The following JMY variants were observed in gnomAD, a reference collection of about 807,000 sequenced individuals.
JMY encodes junction mediating and regulatory protein, p53 cofactor, also known as junction-mediating and -regulatory protein.
JMY carries 46 observed loss-of-function variants against 103.3 expected under a neutral mutation model. The observed-to-expected ratio is 0.45, with a 90% confidence interval of 0.35 to 0.57. The LOEUF (loss-of-function observed/expected upper bound fraction) is 0.57, where lower values mean the gene tolerates loss of function less well. JMY is among the 20% of genes least tolerant of loss of function. JMY has a pLI of 0.00. For missense variants in JMY, 1,238 were observed against 1,255.2 expected (o/e 0.99, Z 0.21); for synonymous variants, 526 against 489.3 (o/e 1.07, Z -0.99).
chr5:79,252,271 A>T (rs1036074724), intron 1 of JMY, among the ~76,000 whole-genome samples: 1 of 150,120 alleles, frequency 6.7e-6, no homozygotes, highest in African/African-American at 2.4e-5. Flanking sequence ...TATAGTTTCC[A>T]TAATTCCTCT....
At chr5:79,250,607 AATAG>A (rs1484093188) in intron 1 of JMY, among the ~76,000 whole-genome samples, 1 of 151,704 alleles carries the variant, frequency 6.6e-6, no homozygotes, top group Non-Finnish European at 1.5e-5. Context: ...TTATTTAATA[AATAG>A]ATCTTGTGTT....
rs746958119 is a variant in JMY at position 79,237,546 on chromosome 5, C to G, written c.896C>G (p.Thr299Ser). ...LQVYLGHGLD[T>S]CGWKILSQVL... is the part of the protein sequence containing the mutation. ...GTCTACCTGGGCCACGGCCTGGACA[C>G]CTGCGGCTGGAAGATCCTCTCCCAG... is the stretch of plus-strand genomic sequence containing the variant. The change falls in exon 1 of 11, where the codon ACC becomes AGC. Residue 299 changes from threonine to serine, a missense_variant. Transcript: ENST00000396137. 1 of 1,613,758 alleles carries G rather than the reference C, an allele frequency of 6.2e-7. No homozygotes were observed. The highest frequency in any genetic ancestry group is 1.1e-5 in the South Asian group (1 of 91,074).
At chr5:79,282,739 A>G (rs1347327043) in intron 2 of JMY, among the ~76,000 whole-genome samples, 3 of 152,178 alleles carry the variant, frequency 2.0e-5, no homozygotes, top group African/African-American at 4.8e-5. Flanking sequence ...GCACTAACTT[A>G]ATTGAATCTT....
intron 1 of JMY, among the ~76,000 whole-genome samples, chr5:79,268,512 G>T (rs189553653): frequency 6.6e-6 from 1 of 151,812 alleles, no homozygotes; most frequent in African/African-American, 2.4e-5. Context: ...TCTTGAGATG[G>T]CGTCTCGCTC....
intron 1 of JMY, among the ~76,000 whole-genome samples, chr5:79,272,896 A>G (rs1052205331): frequency 6.6e-6 from 1 of 152,166 alleles, no homozygotes; most frequent in African/African-American, 2.4e-5. Context: ...TCGGCCTCCC[A>G]AAGTGCTGGG....
At chr5:79,298,165 G>A (rs1746621170) in intron 4 of JMY, among the ~76,000 whole-genome samples, 1 of 152,120 alleles carries the variant, frequency 6.6e-6, no homozygotes, top group African/African-American at 2.4e-5. Flanking sequence ...ACTTAGTTGG[G>A]TAGAACCAGA....
chr5:79,287,395 A>G (rs1487998770), intron 2 of JMY, among the ~76,000 whole-genome samples: 1 of 152,224 alleles, frequency 6.6e-6, no homozygotes, highest in Non-Finnish European at 1.5e-5. Flanking sequence ...CAGACTTTCA[A>G]AGTTAGGGGG....
At chr5:79,318,531 A>C (rs1747316327) in intron 10 of JMY, among the ~76,000 whole-genome samples, 2 of 152,230 alleles carry the variant, frequency 1.3e-5, no homozygotes, top group South Asian at 4.1e-4. Context: ...GTACCTCTCC[A>C]CCAGCATCTG....
intron 1 of JMY, among the ~76,000 whole-genome samples, chr5:79,250,381 T>C (rs974862360): frequency 6.6e-6 from 1 of 151,910 alleles, no homozygotes; most frequent in Admixed American, 6.6e-5. Flanking sequence ...ATACAGTCAG[T>C]TAAAACGGTG....
chr5:79,278,678 G>A (rs1055076942), intron 2 of JMY, among the ~76,000 whole-genome samples: 4 of 151,760 alleles, frequency 2.6e-5, no homozygotes, highest in South Asian at 2.1e-4. Context: ...TGAGGTAGGC[G>A]GAAGATTGCT....
intron 1 of JMY, among the ~76,000 whole-genome samples, chr5:79,258,484 G>A (rs1336941812): frequency 6.6e-6 from 1 of 152,014 alleles, no homozygotes; most frequent in Non-Finnish European, 1.5e-5. Context: ...GGCAGGCTGT[G>A]CTCAGCTCCT....
At chr5:79,267,488 C>T (rs1477445402) in intron 1 of JMY, among the ~76,000 whole-genome samples, 3 of 134,862 alleles carry the variant, frequency 2.2e-5, no homozygotes, top group Non-Finnish European at 4.8e-5. Context: ...TCATATATAG[C>T]CTTTTCAGAT....
intron 1 of JMY, among the ~76,000 whole-genome samples, chr5:79,243,051 A>G (rs1472448565): frequency 2.6e-5 from 4 of 152,186 alleles, no homozygotes; most frequent in East Asian, 3.8e-4. Flanking sequence ...TAGTGGTGCA[A>G]GGATAGGTTT....
intron 1 of JMY, among the ~76,000 whole-genome samples, chr5:79,247,117 G>A (rs1744928567): frequency 1.3e-5 from 2 of 152,172 alleles, no homozygotes; most frequent in African/African-American, 4.8e-5. Flanking sequence ...TAGAAAGAGA[G>A]TGAGGATAAG....
chr5:79,285,216 C>A (rs910967043), intron 2 of JMY, among the ~76,000 whole-genome samples: 17 of 152,180 alleles, frequency 1.1e-4, no homozygotes, highest in African/African-American at 3.9e-4. Context: ...GCATTTCATT[C>A]TTATCCCAAC....
chr5:79,313,335 C>T (rs1747108027), intron 8 of JMY, among the ~76,000 whole-genome samples: 1 of 152,102 alleles, frequency 6.6e-6, no homozygotes, highest in African/African-American at 2.4e-5. Flanking sequence ...GGGAGGATTA[C>T]CTGAGCCAGG....
intron 8 of JMY, among the ~76,000 whole-genome samples, chr5:79,313,551 A>T (rs936903508): frequency 2.0e-5 from 3 of 152,216 alleles, no homozygotes; most frequent in African/African-American, 7.2e-5. Context: ...GGAGCTTTTT[A>T]AAAATGCCAA....
In JMY at chr5:79,237,341, G is replaced by A; in HGVS notation, c.691G>A (p.Gly231Arg). The stretch of plus-strand genomic sequence containing the variant: ...TCCGGCCGAAGAGTGCAGCTGGGCC[G>A]GACTGTTTTCTTTCCAGGACCTGCG... ...ESPAEECSWA[G>R]LFSFQDLRAV... is the part of the protein sequence containing the mutation. The change falls in exon 1 of 11, where the codon GGA becomes AGA. Residue 231 changes from glycine (G) to arginine (R), a missense_variant. Gly to Arg is a moderately radical substitution (Grantham distance 125, BLOSUM62 -2). Transcript: ENST00000396137. 2 of 1,604,800 alleles carry A rather than the reference G, an allele frequency of 1.2e-6. No homozygotes were observed. Among genetic ancestry groups the A allele is most frequent in the Non-Finnish European group, 1.7e-6 (2 of 1,176,314 alleles).
Position 79,280,153 on chromosome 5 carries a change from G to T in JMY, c.1206+2070G>T, listed in dbSNP as rs562227135. ...GCCACTGCCCAGCCTGGAAATTCCTGTTTCTTTAAATGAATCATGGATATT... is the reference window on the plus strand; with the variant it reads ...GCCACTGCCCAGCCTGGAAATTCCTTTTTCTTTAAATGAATCATGGATATT... On this transcript the variant is annotated intron_variant, in intron 2 of 10. Coordinates refer to ENST00000396137, the MANE Select transcript of JMY (RefSeq NM_152405.5). 2.0e-5 allele frequency among the ~76,000 whole-genome samples: 3 copies of T among 152,272 alleles called. No individual in the cohort carries two copies. In the East Asian group the frequency reaches 5.8e-4, roughly 29 times the overall value.
Sources: allele counts gnomAD v4.1 joint callset (sites outside exome capture counted in the v4.1 genomes callset), GRCh38; gene constraint gnomAD v4.1.1; transcripts MANE v1.5; gene names NCBI Gene and HGNC (gene_info 2026-07-23, HGNC 2026-07-21).